Variants in DHX8 observed in about 807,000 individuals in gnomAD.
The protein encoded by DHX8 is DEAH-box helicase 8, also known as ATP-dependent RNA helicase DHX8.
In DHX8, 67 loss-of-function variants were observed where a neutral mutation model predicts 140.7. The ratio of observed to expected loss-of-function variants is 0.48; its 90% CI spans 0.39 to 0.58. The LOEUF (loss-of-function observed/expected upper bound fraction) is 0.58. DHX8 is among the 20% of genes least tolerant of loss of function. DHX8 has a pLI of 0.00. For missense variants in DHX8, 887 were observed against 1,550.7 expected (o/e 0.57, Z 7.19); for synonymous variants, 533 against 553.2 (o/e 0.96, Z 0.51).
downstream of DHX8, chr17:43,530,229 C>T (rs150011413): frequency 2.9e-3 from 4,559 of 1,551,464 alleles, 97 homozygotes; most frequent in African/African-American, 0.048. Context: ...GGGTGGAGCT[C>T]GAGGGCAGGG....
chr17:43,507,383 C>A, intron 13 of DHX8, 120 bp from the exon 14 acceptor site: 2 of 1,121,222 alleles, frequency 1.8e-6, no homozygotes, highest in Non-Finnish European at 1.3e-6. Context: ...GAGGAAATTA[C>A]TGTACATCTT....
Position 43,493,873 on chromosome 17 carries a change from G to A in DHX8, c.1199G>A (p.Trp400Ter). 1 of 1,614,194 alleles carries A rather than the reference G, an allele frequency of 6.2e-7. No individual in the cohort carries two copies. Among genetic ancestry groups the A allele is most frequent in the East Asian group, 2.2e-5 (1 of 44,888 alleles). Residue 400 changes from tryptophan (W) to a stop codon, truncating the protein, a stop_gained, in exon 8 of 23, where the codon TGG becomes TAG. Transcript: ENST00000262415. LOFTEE classifies it high-confidence loss of function. ...RLTRISDPEK[W>*]EIKQMIAANV... ...ACCCGAATCTCTGACCCAGAGAAGTGGGAGATCAAACAGGTTGGGGCCTTT... is the reference window on the plus strand; with the variant it reads ...ACCCGAATCTCTGACCCAGAGAAGTAGGAGATCAAACAGGTTGGGGCCTTT...
Position 43,492,911 on chromosome 17 carries a change from A to C in DHX8, c.734A>C (p.Asn245Thr), listed in dbSNP as rs765884874. ...RKDRDKYGER[N>T]LDRWRDKHVD... ...GACCGGGACAAATATGGAGAGCGGA[A>C]TCTGGATAGATGGCGGGATAAGCAT... Residue 245 changes from asparagine (N) to threonine (T), a missense_variant, in exon 6 of 23, where the codon AAT (asparagine) becomes ACT (threonine). This residue lies in a region of DHX8 where 304 missense variants were observed against 306.9 expected (regional missense o/e 0.99). Coordinates refer to ENST00000262415, the MANE Select transcript of DHX8 (RefSeq NM_004941.3). 1 of 1,614,110 alleles carries C rather than the reference A, an allele frequency of 6.2e-7. No homozygotes were observed. Among genetic ancestry groups the C allele is most frequent in the African/African-American group, 1.3e-5 (1 of 74,948 alleles).
downstream of DHX8, chr17:43,526,214 C>G (rs943879091): frequency 3.0e-6 from 3 of 985,252 alleles, no homozygotes; most frequent in Non-Finnish European, 3.6e-6. Flanking sequence ...CTTCCTTGAA[C>G]CAGTATTTCC....
At chr17:43,497,129 TC>T (rs1470327402) in intron 9 of DHX8, among the ~76,000 whole-genome samples, 1 of 152,194 alleles carries the variant, frequency 6.6e-6, no homozygotes, top group South Asian at 2.1e-4. Flanking sequence ...TGTTAATTAC[TC>T]CCTGGCTTTT....
In DHX8 at chr17:43,536,482, G is replaced by T; in HGVS notation, c.*4G>T. On this transcript the variant is annotated 3_prime_UTR_variant, in exon 3 of 4. Coordinates refer to the DHX8 transcript ENST00000589898. Reference sequence around the variant, plus strand: ...CTCATCACTGTCTGGTACCTGAGCTGCAGAGAGAAGTCAGAGGTGAGTTTG... The same window carrying T: ...CTCATCACTGTCTGGTACCTGAGCTTCAGAGAGAAGTCAGAGGTGAGTTTG... 1 of 1,614,176 alleles carries T rather than the reference G, an allele frequency of 6.2e-7. No individual in the cohort carries two copies. The highest frequency in any genetic ancestry group is 8.5e-7 in the Non-Finnish European group (1 of 1,180,006).
chr17:43,484,089 C>T lies in DHX8; in HGVS notation c.52C>T (p.Pro18Ser), dbSNP rs901227769. 1 of 1,614,122 alleles carries T rather than the reference C, an allele frequency of 6.2e-7. No homozygotes were observed. Residue 18 changes from proline to serine, a missense_variant, in exon 1 of 23, where the codon CCC becomes TCC. Physicochemically the swap from Pro to Ser is moderately conservative, Grantham distance 74 (BLOSUM62 -1). This residue lies in a region of DHX8 where 32 missense variants were observed against 25.1 expected (regional missense o/e 1.28). Transcript: ENST00000262415. The part of the protein sequence containing the change: ...AGALIGSEPG[P>S]AEELAKLEYL... ...AGCCTTAATCGGGTCGGAGCCAGGC[C>T]CCGCGGAAGAACTTGCCAAACTCGA...
rs765756648 is a variant in DHX8 at position 43,493,737 on chromosome 17, G to A, written c.1063G>A (p.Val355Ile). The A allele has an allele frequency of 2.4e-5, 38 of 1,614,216 alleles. No individual in the cohort carries two copies. The East Asian group carries it at 3.3e-4, about 14-fold the overall frequency. ...DLNPNRRRNL[V>I]GETNEETSMR... is the part of the protein sequence containing the mutation. The stretch of plus-strand genomic sequence containing the variant: ...AAACCCAAATAGACGGCGAAATCTT[G>A]TCGGGGAGACCAATGAGGAGACCTC... Residue 355 changes from valine to isoleucine, a missense_variant, in exon 8 of 23, where the codon GTC becomes ATC. This residue lies in a region of DHX8 where 98 missense variants were observed against 152.7 expected (regional missense o/e 0.64). Coordinates refer to ENST00000262415, the MANE Select transcript of DHX8 (RefSeq NM_004941.3).
At chr17:43,532,348 A>G (rs1885980109) in intron 2 of DHX8, among the ~76,000 whole-genome samples, 1 of 152,042 alleles carries the variant, frequency 6.6e-6, no homozygotes. Flanking sequence ...AAAATACAAA[A>G]ATTAGCCGGG....
chr17:43,491,128 CT>C (rs746367154), intron 3 of DHX8, 36 bp from the exon 4 acceptor site: 14 of 1,034,872 alleles, frequency 1.4e-5, no homozygotes, highest in African/African-American at 4.9e-5. Context: ...ATATATATCT[CT>C]TTTTTTAACC....
At chr17:43,501,640 C>T (rs1433279444) in intron 11 of DHX8, among the ~76,000 whole-genome samples, 1 of 152,246 alleles carries the variant, frequency 6.6e-6, no homozygotes, top group African/African-American at 2.4e-5. Context: ...TGCACCACCA[C>T]GCCTAGCTAA....
At chr17:43,521,937 G>A in intron 21 of DHX8, 110 bp from the exon 22 acceptor site, 1 of 1,155,918 alleles carries the variant, frequency 8.7e-7, no homozygotes, top group Non-Finnish European at 1.3e-6. Context: ...TGGAAGGAAG[G>A]TCCTGGTGAC....
rs1389918262 is a variant in DHX8, at chr17:43,507,071, C to T, written c.1797C>T (p.Thr599=). 2 of 1,613,888 alleles carry T rather than the reference C, an allele frequency of 1.2e-6. No individual in the cohort carries two copies. Among genetic ancestry groups the T allele is most frequent in the African/African-American group, 1.3e-5 (1 of 74,862 alleles). The change falls in exon 13 of 23, where the codon ACC becomes ACT. Residue 599 remains threonine, a synonymous_variant. Transcript: ENST00000262415. ...ETGSGKTTQI[T]QYLAEAGYTS... ...GATCTGGAAAGACAACACAGATCAC[C>T]CAGTACCTGGCGGAGGCAGGCTACA... is the stretch of plus-strand genomic sequence containing the variant.
At chr17:43,527,255 TC>T (rs948997728), downstream of DHX8, among the ~76,000 whole-genome samples, 15 of 152,126 alleles carry the variant, frequency 9.9e-5, no homozygotes, top group Non-Finnish European at 1.8e-4. Flanking sequence ...AGATCTAATC[TC>T]CACTGGCCAG....
chr17:43,533,197 C>T lies in DHX8; in HGVS notation c.351-3215C>T, dbSNP rs374807016. ...TCCCTGTCTCCTTACCTATGTTCCC[C>T]GAGGTACCCATGGCCAGGGTGGGGC... is the stretch of plus-strand genomic sequence containing the variant. On this transcript the variant is annotated intron_variant, in intron 2 of 3. Transcript: ENST00000589898. 26 of 1,613,352 alleles carry T rather than the reference C, an allele frequency of 1.6e-5. No homozygotes were observed. The highest frequency in any genetic ancestry group is 2.7e-5 in the African/African-American group (2 of 74,712).
chr17:43,508,282 T>C, intron 15 of DHX8, 57 bp from the exon 16 acceptor site: 1 of 1,557,516 alleles, frequency 6.4e-7, no homozygotes. Flanking sequence ...CCATAGCCCT[T>C]GTATAGGACA....
intron 3 of DHX8, among the ~76,000 whole-genome samples, chr17:43,538,943 C>T (rs1223706212): frequency 1.3e-5 from 2 of 152,224 alleles, no homozygotes; most frequent in South Asian, 4.2e-4. Flanking sequence ...TCCACACCCC[C>T]GGCCTATACA....
At chr17:43,495,388 C>G (rs965216272) in intron 8 of DHX8, among the ~76,000 whole-genome samples, 16 of 152,200 alleles carry the variant, frequency 1.1e-4, no homozygotes, top group African/African-American at 3.9e-4. Context: ...AAGCCATCCT[C>G]TCATCTCAGC....
intron 2 of DHX8, chr17:43,532,957 G>A: frequency 1.3e-6 from 2 of 1,539,552 alleles, no homozygotes; most frequent in South Asian, 2.5e-5. Context: ...TGGTTGGATG[G>A]AGAAGGAAGA....
Sources: allele counts gnomAD v4.1 joint callset (sites outside exome capture counted in the v4.1 genomes callset), GRCh38; gene constraint gnomAD v4.1.1; regional missense constraint gnomAD v4.1.1; transcripts MANE v1.5; gene names NCBI Gene and HGNC (gene_info 2026-07-23, HGNC 2026-07-21).